JKAMP: variants seen among roughly 807,000 people sequenced by gnomAD.
The protein encoded by JKAMP is JNK1/MAPK8 associated membrane protein, also known as JNK1/MAPK8-associated membrane protein.
In JKAMP, 20 loss-of-function variants were observed where a neutral mutation model predicts 40.2. The ratio of observed to expected loss-of-function variants is 0.50; its 90% CI spans 0.35 to 0.72. The LOEUF is 0.72. Ranked by LOEUF, JKAMP falls within the 30% of genes least tolerant of loss-of-function variation. The pLI is 0.01. For missense variants in JKAMP, 276 were observed against 373.0 expected (o/e 0.74, Z 2.14); for synonymous variants, 138 against 131.6 (o/e 1.05, Z -0.33).
At chr14:59,490,294 G>A (rs1890892607) in intron 3 of JKAMP, among the ~76,000 whole-genome samples, 1 of 152,184 alleles carries the variant, frequency 6.6e-6, no homozygotes, top group East Asian at 1.9e-4. Flanking sequence ...TGTGAGCACA[G>A]CTCCAAGTCA....
At chr14:59,487,145 G>A in intron 2 of JKAMP, 1 of 170,924 alleles carries the variant, frequency 5.9e-6, no homozygotes, top group Non-Finnish European at 1.2e-5. Context: ...GGAGGTTGCA[G>A]TGAGCCAAGA....
At chr14:59,484,801 T>C (rs1890397901) in intron 1 of JKAMP, 1 of 914,256 alleles carries the variant, frequency 1.1e-6, no homozygotes, top group East Asian at 2.6e-5. Flanking sequence ...AGGCGCGCTG[T>C]CTGCGGCGAA....
intron 4 of JKAMP, among the ~76,000 whole-genome samples, chr14:59,497,324 T>C (rs1219446907): frequency 6.6e-6 from 1 of 152,184 alleles, no homozygotes; most frequent in Non-Finnish European, 1.5e-5. Context: ...TTTGTCAAAT[T>C]TAAACTATCC....
At position 59,498,877 on chromosome 14, in the gene JKAMP, C is replaced by T. The variant is rs370456734; in HGVS notation, c.609C>T (p.Thr203=). 1.7e-5 allele frequency: 27 copies of T among 1,610,158 alleles called. No individual in the cohort carries two copies. The highest frequency in any genetic ancestry group is 1.5e-4 in the African/African-American group (11 of 74,766). ...CACTTTACTTCTTCCCAATTTTAAC[C>T]GTGCTTCAGGCAGTTGGTGGAGGCC... ...YAALYFFPIL[T]VLQAVGGGLL... The change falls in exon 5 of 7, where the codon ACC becomes ACT. Residue 203 remains threonine (T), a synonymous_variant. Coordinates refer to ENST00000616435, the MANE Select transcript of JKAMP (RefSeq NM_016475.5).
At position 59,487,657 on chromosome 14, in the gene JKAMP, G is replaced by T. The variant is rs1284790948; in HGVS notation, c.97-17G>T. 3 of 1,591,344 alleles carry T rather than the reference G, an allele frequency of 1.9e-6. No homozygotes were observed. The highest frequency in any genetic ancestry group is 2.6e-6 in the Non-Finnish European group (3 of 1,160,450). On this transcript the variant is annotated splice_polypyrimidine_tract_variant and intron_variant, in intron 2 of 6. Transcript: ENST00000616435. The stretch of plus-strand genomic sequence containing the variant: ...AAATAATATCTGTACACAAAATATT[G>T]GTTTTATATATTATAGGTATGCCCA...
Position 59,495,165 on chromosome 14 carries a change from C to T in JKAMP, c.399C>T (p.Tyr133=), listed in dbSNP as rs1891346255. 1 of 1,613,792 alleles carries T rather than the reference C, an allele frequency of 6.2e-7. No homozygotes were observed. Among genetic ancestry groups the T allele is most frequent in the Non-Finnish European group, 8.5e-7 (1 of 1,179,724 alleles). Reference sequence around the variant, plus strand: ...TTTCTGACTGGTACACGATGCTTTACAACCCAAGTCCAGATTACGTTACCA... The same window carrying T: ...TTTCTGACTGGTACACGATGCTTTATAACCCAAGTCCAGATTACGTTACCA... ...LMLSDWYTML[Y]NPSPDYVTTV... is the part of the protein sequence containing the mutation. Residue 133 remains tyrosine (Y), a synonymous_variant, in exon 4 of 7, where the codon TAC becomes TAT. Transcript: ENST00000616435.
At chr14:59,500,420 G>A (rs1243979911) in intron 5 of JKAMP, among the ~76,000 whole-genome samples, 1 of 152,078 alleles carries the variant, frequency 6.6e-6, no homozygotes, top group East Asian at 1.9e-4. Context: ...ATTTATTTTA[G>A]TGTGTTATAA....
Position 59,505,044 on chromosome 14 carries a change from A to G in JKAMP, c.*972A>G. 1 of 386,250 alleles carries G rather than the reference A, an allele frequency of 2.6e-6. No individual in the cohort carries two copies. The highest frequency in any genetic ancestry group is 4.6e-6 in the Non-Finnish European group (1 of 215,142). 23.9% of individuals were successfully genotyped at this position (386,250 alleles called of 1,614,324 possible). ...AGCAAAATGAAATTTTTAGCTCTTAACCTAACAACCTGACCATGTTTATCC... is the reference window on the plus strand; with the variant it reads ...AGCAAAATGAAATTTTTAGCTCTTAGCCTAACAACCTGACCATGTTTATCC... On this transcript the variant is annotated 3_prime_UTR_variant, in exon 7 of 7. Coordinates refer to ENST00000616435, the MANE Select transcript of JKAMP (RefSeq NM_016475.5).
intron 4 of JKAMP, 56 bp downstream of exon 4, chr14:59,495,280 T>C: frequency 7.5e-7 from 1 of 1,339,256 alleles, no homozygotes; most frequent in Non-Finnish European, 1.1e-6. Flanking sequence ...CTGAGGATTA[T>C]TATAGATTTT....
chr14:59,486,213 C>T (rs1242827188), intron 1 of JKAMP, among the ~76,000 whole-genome samples: 1 of 152,134 alleles, frequency 6.6e-6, no homozygotes, highest in Non-Finnish European at 1.5e-5. Flanking sequence ...AGGTAATTTG[C>T]ATACCTCTGT....
Position 59,505,195 on chromosome 14 carries a change from T to C in JKAMP, c.*1123T>C. 1 of 1,035,296 alleles carries C rather than the reference T, an allele frequency of 9.7e-7. No individual in the cohort carries two copies. Among genetic ancestry groups the C allele is most frequent in the Non-Finnish European group, 1.4e-6 (1 of 731,126 alleles). The allele number at this position is 1,035,296 out of a possible 1,614,324, so 64.1% of individuals were successfully genotyped here. Reference sequence around the variant, plus strand: ...TGAAAGTAAGTGCACTCACTTTTCCTGTAGTAGTCTGTCTTTTGAATTCAC... The same window carrying C: ...TGAAAGTAAGTGCACTCACTTTTCCCGTAGTAGTCTGTCTTTTGAATTCAC... On this transcript the variant is annotated 3_prime_UTR_variant, in exon 7 of 7. Coordinates refer to ENST00000616435, the MANE Select transcript of JKAMP (RefSeq NM_016475.5).
chr14:59,498,623 A>T lies in JKAMP; in HGVS notation c.459-104A>T, dbSNP rs1478388825. The stretch of plus-strand genomic sequence containing the variant: ...TGAATATCCAATGGATAGAGTAAAT[A>T]TGCTTTTTAAACCTCTTTTAGGCTC... On this transcript the variant is annotated intron_variant, in intron 4 of 6. Coordinates refer to ENST00000616435, the MANE Select transcript of JKAMP (RefSeq NM_016475.5). 4.5e-6 allele frequency: 3 copies of T among 659,792 alleles called. No individual in the cohort carries two copies. The Admixed American group carries it at 9.4e-5, about 21-fold the overall frequency. The allele number at this position is 659,792 out of a possible 1,614,324, so 40.9% of individuals were successfully genotyped here.
At chr14:59,494,886 A>G in intron 3 of JKAMP, 132 bp from the exon 4 acceptor site, 1 of 637,938 alleles carries the variant, frequency 1.6e-6, no homozygotes, top group Non-Finnish European at 2.7e-6. Context: ...TGAGAAAAAA[A>G]GGTTATACTC....
chr14:59,489,189 TTAAGTA>T (rs58648539), intron 3 of JKAMP, among the ~76,000 whole-genome samples: 58,883 of 151,720 alleles, frequency 0.39, 12,106 homozygotes, highest in African/African-American at 0.52. Context: ...GCTTTCCTTT[TTAAGTA>T]TAAGTCCCAA....
chr14:59,485,445 T>C, intron 1 of JKAMP: 2 of 223,674 alleles, frequency 8.9e-6, no homozygotes, highest in Non-Finnish European at 1.7e-5. Flanking sequence ...TCAATGCTGT[T>C]TCTCTTTTTC....
chr14:59,488,098 C>G (rs1293048040), intron 3 of JKAMP, among the ~76,000 whole-genome samples: 1 of 151,922 alleles, frequency 6.6e-6, no homozygotes, highest in Non-Finnish European at 1.5e-5. Flanking sequence ...TGGTTTTCTA[C>G]ACAAAATTGG....
At chr14:59,489,227 C>T (rs1295489440) in intron 3 of JKAMP, among the ~76,000 whole-genome samples, 1 of 152,204 alleles carries the variant, frequency 6.6e-6, no homozygotes, top group Non-Finnish European at 1.5e-5. Context: ...TTCCTTTGCT[C>T]CCACATCTAT....
intron 4 of JKAMP, among the ~76,000 whole-genome samples, chr14:59,497,979 C>T (rs1343978209): frequency 1.3e-5 from 2 of 151,966 alleles, no homozygotes; most frequent in Non-Finnish European, 2.9e-5. Flanking sequence ...GGATAAAAGT[C>T]CCATTATTCA....
intron 1 of JKAMP, chr14:59,485,191 A>AAAC: frequency 6.7e-7 from 1 of 1,490,622 alleles, no homozygotes; most frequent in Non-Finnish European, 9.2e-7. Flanking sequence ...GAAACTTTAG[A>AAAC]TTATTGATAT....
Sources: allele counts gnomAD v4.1 joint callset (sites outside exome capture counted in the v4.1 genomes callset), GRCh38; gene constraint gnomAD v4.1.1; transcripts MANE v1.5; gene names NCBI Gene and HGNC (gene_info 2026-07-23, HGNC 2026-07-21).